ANKIB1: variants seen among roughly 807,000 people sequenced by gnomAD.
The protein encoded by ANKIB1 is ankyrin repeat and IBR domain-containing protein 1.
ANKIB1 carries 43 observed loss-of-function variants against 122.1 expected under a neutral mutation model. The ratio of observed to expected loss-of-function variants is 0.35; its 90% CI spans 0.28 to 0.45. The LOEUF (loss-of-function observed/expected upper bound fraction) is 0.45. Ranked by LOEUF, ANKIB1 falls within the 20% of genes least tolerant of loss-of-function variation. The pLI is 1.00. For synonymous variants in ANKIB1, 390 were observed against 442.0 expected (o/e 0.88, Z 1.48); for missense variants, 992 against 1,329.5 (o/e 0.75, Z 3.95).
chr7:92,328,870 G>A (rs1349695415), intron 5 of ANKIB1, among the ~76,000 whole-genome samples: 1 of 148,630 alleles, frequency 6.7e-6, no homozygotes, highest in East Asian at 2.0e-4. Flanking sequence ...TTAATAATGT[G>A]GTATACAACT....
intron 11 of ANKIB1, among the ~76,000 whole-genome samples, chr7:92,382,067 GC>G (rs1804528419): frequency 6.8e-6 from 1 of 147,506 alleles, no homozygotes; most frequent in Non-Finnish European, 1.5e-5. Flanking sequence ...CAAATGGAAA[GC>G]AAAAAAAAAA....
At chr7:92,358,645 G>A (rs570354135) in intron 9 of ANKIB1, among the ~76,000 whole-genome samples, 2 of 142,770 alleles carry the variant, frequency 1.4e-5, no homozygotes, top group African/African-American at 5.2e-5. Flanking sequence ...AGCAAAACCA[G>A]TATTTACCAG....
At position 92,397,749 on chromosome 7, in the gene ANKIB1, C is replaced by T. The variant is rs746928096; in HGVS notation, c.2422C>T (p.Arg808Cys). The T allele has an allele frequency of 1.1e-5, 18 of 1,611,726 alleles. No homozygotes were observed. In the East Asian group the frequency reaches 2.0e-4, roughly 18 times the overall value. ...TATTCCAGAAGGCGGCAGCAGCAGCCGCAGGCCTGGCACATCCGTGGTAAG... is the reference window on the plus strand; with the variant it reads ...TATTCCAGAAGGCGGCAGCAGCAGCTGCAGGCCTGGCACATCCGTGGTAAG... ...LDIPEGGSSSRRPGTSVVSSA... is the reference protein window; with the variant it reads ...LDIPEGGSSSCRPGTSVVSSA... The change falls in exon 19 of 20, where the codon CGC (arginine) becomes TGC (cysteine). Residue 808 changes from arginine (R) to cysteine (C), a missense_variant. Physicochemically the swap from Arg to Cys is radical, Grantham distance 180. This residue lies in a region of ANKIB1 where 384 missense variants were observed against 412.0 expected (regional missense o/e 0.93). Transcript: ENST00000265742.
chr7:92,329,970 G>C (rs181075034), intron 5 of ANKIB1, among the ~76,000 whole-genome samples: 12 of 152,268 alleles, frequency 7.9e-5, no homozygotes. Context: ...TCATTCCCCT[G>C]CTGAAAACCC....
chr7:92,269,739 CTG>C (rs1386130758), intron 1 of ANKIB1, among the ~76,000 whole-genome samples: 6 of 151,974 alleles, frequency 3.9e-5, no homozygotes, highest in Non-Finnish European at 8.8e-5. Context: ...TTCCCTATAA[CTG>C]AAAGTGTTCA....
chr7:92,253,899 C>A (rs1453853597), intron 1 of ANKIB1, among the ~76,000 whole-genome samples: 1 of 152,152 alleles, frequency 6.6e-6, no homozygotes, highest in Non-Finnish European at 1.5e-5. Flanking sequence ...ATCTATTTCT[C>A]CATCTCTTTC....
At chr7:92,297,840 C>G (rs1417565465) in intron 2 of ANKIB1, among the ~76,000 whole-genome samples, 5 of 152,130 alleles carry the variant, frequency 3.3e-5, no homozygotes. Flanking sequence ...ACTCAGTTAG[C>G]CTATTCTCTT....
intron 10 of ANKIB1, among the ~76,000 whole-genome samples, chr7:92,364,304 T>C (rs1804020811): frequency 1.0e-5 from 1 of 98,018 alleles, no homozygotes. Context: ...AGAGCAAGAC[T>C]CCATCTAAAA....
At chr7:92,281,180 G>T (rs575391602) in intron 1 of ANKIB1, among the ~76,000 whole-genome samples, 3 of 152,320 alleles carry the variant, frequency 2.0e-5, no homozygotes, top group Admixed American at 2.0e-4. Context: ...TTATGACAAT[G>T]TGTATGAAAT....
At chr7:92,274,771 C>A (rs1801866442) in intron 1 of ANKIB1, among the ~76,000 whole-genome samples, 1 of 151,952 alleles carries the variant, frequency 6.6e-6, no homozygotes, top group Non-Finnish European at 1.5e-5. Context: ...ACATGCCCAG[C>A]CTGCAAAACC....
chr7:92,364,030 A>G (rs954431774), intron 10 of ANKIB1, among the ~76,000 whole-genome samples: 2 of 152,250 alleles, frequency 1.3e-5, no homozygotes, highest in African/African-American at 2.4e-5. Flanking sequence ...TTTTTAAGCC[A>G]GGCACAATGG....
At chr7:92,384,587 C>T (rs1028984271) in intron 11 of ANKIB1, among the ~76,000 whole-genome samples, 3 of 152,124 alleles carry the variant, frequency 2.0e-5, no homozygotes, top group African/African-American at 7.2e-5. Context: ...CACCATGCAT[C>T]CACAGCCATC....
intron 5 of ANKIB1, among the ~76,000 whole-genome samples, chr7:92,338,776 G>A (rs1448420203): frequency 4.0e-5 from 6 of 149,660 alleles, no homozygotes; most frequent in African/African-American, 1.2e-4. Flanking sequence ...GCTGGGCGTG[G>A]TGGTGGGCGC....
intron 6 of ANKIB1, among the ~76,000 whole-genome samples, chr7:92,344,072 C>G (rs970977910): frequency 6.6e-6 from 1 of 151,628 alleles, no homozygotes; most frequent in Non-Finnish European, 1.5e-5. Flanking sequence ...ATAAATTTTG[C>G]TTCTAGAGAG....
At chr7:92,384,331 G>A (rs370928895) in intron 11 of ANKIB1, among the ~76,000 whole-genome samples, 3 of 152,036 alleles carry the variant, frequency 2.0e-5, no homozygotes, top group African/African-American at 4.8e-5. Flanking sequence ...TATAAATTCA[G>A]TGCCATCCCC....
intron 1 of ANKIB1, among the ~76,000 whole-genome samples, chr7:92,272,835 A>G (rs1801824593): frequency 2.0e-5 from 3 of 152,218 alleles, no homozygotes; most frequent in African/African-American, 7.2e-5. Context: ...ACCAACCTAG[A>G]TGGTATAGCC....
At chr7:92,328,142 C>T (rs575988241) in intron 5 of ANKIB1, among the ~76,000 whole-genome samples, 95 of 152,230 alleles carry the variant, frequency 6.2e-4, no homozygotes, top group Non-Finnish European at 1.2e-3. Context: ...AATTGAGCTA[C>T]TAAAGCAAAT....
At chr7:92,327,720 G>T in intron 4 of ANKIB1, 63 bp from the exon 5 acceptor site, 1 of 772,174 alleles carries the variant, frequency 1.3e-6, no homozygotes, top group Non-Finnish European at 2.0e-6. Flanking sequence ...ATTGTTTATA[G>T]GCATTTTGAT....
intron 11 of ANKIB1, among the ~76,000 whole-genome samples, chr7:92,376,454 T>TTA (rs1185245952): frequency 5.4e-5 from 8 of 147,562 alleles, no homozygotes; most frequent in South Asian, 2.1e-4. Context: ...TATTTTTTAT[T>TTA]TTTTTTTTTT....
Sources: gnomAD v4.1 joint callset for allele counts (sites outside exome capture counted in the v4.1 genomes callset) on GRCh38, gnomAD v4.1.1 for gene constraint, gnomAD v4.1.1 regional missense constraint, MANE v1.5 for transcripts, NCBI Gene and HGNC (gene_info 2026-07-23, HGNC 2026-07-21) for gene names.